Variants in RAB37 observed in about 807,000 individuals in gnomAD.
RAB37 encodes ras-related protein Rab-37.
Under a neutral mutation model 33.1 loss-of-function variants are expected in RAB37, and 29 were observed. The ratio of observed to expected loss-of-function variants is 0.88; its 90% confidence interval spans 0.65 to 1.20. The LOEUF is 1.20. Among genes scored for constraint, RAB37 ranks in the 50% most tolerant of loss-of-function variants. RAB37 has a pLI of 0.00. For missense variants in RAB37, 299 were observed against 301.1 expected, an observed-to-expected ratio of 0.99 and a Z score of 0.05; for synonymous variants, 128 against 119.5, an observed-to-expected ratio of 1.07 and a Z score of -0.47.
intron 1 of RAB37, chr17:74,712,840 G>A (rs2034070309): frequency 1.9e-6 from 3 of 1,613,924 alleles, no homozygotes; most frequent in African/African-American, 1.3e-5. Flanking sequence ...GCCAGAAGAG[G>A]AGCAGGTAGA....
intron 1 of RAB37, among the ~76,000 whole-genome samples, chr17:74,724,876 A>G (rs1318705612): frequency 6.6e-6 from 1 of 152,182 alleles, no homozygotes; most frequent in Non-Finnish European, 1.5e-5. Context: ...ATCTGGATGT[A>G]TACGTGCAGG....
At chr17:74,692,343 C>A (rs145364658) in intron 1 of RAB37, among the ~76,000 whole-genome samples, 1 of 152,124 alleles carries the variant, frequency 6.6e-6, no homozygotes, top group Non-Finnish European at 1.5e-5. Context: ...AATAGTCAAG[C>A]TTGCTTGGGC....
chr17:74,729,833 A>G lies in RAB37; in HGVS notation c.183+467A>G, dbSNP rs987693861. ...AAAGCAAAAAATATTTTAATATGGG[A>G]TAGCTCAGGTCAGCCCTCCAAGGCA... On this transcript the variant is annotated intron_variant, in intron 2 of 7. Coordinates refer to the RAB37 transcript ENST00000340415. This position sits in a 1 kb window ranked among gnomAD's most constrained non-coding sequence, Gnocchi z 4.2. Among the ~76,000 whole-genome samples the G allele has an allele frequency of 3.9e-5, 6 of 152,152 alleles. No homozygotes were observed. The highest frequency in any genetic ancestry group is 5.9e-5 in the Non-Finnish European group (4 of 68,016).
chr17:74,743,457 T>C lies in RAB37; in HGVS notation c.366+117T>C, dbSNP rs2034672715. ...TGGAGCGTGGAGTCCTCCTGCCTTC[T>C]GAAAAACACCTACTTGTGACTCAGA... On this transcript the variant is annotated intron_variant, in intron 5 of 8. Transcript: ENST00000392613. 11 of 990,152 alleles carry C rather than the reference T, an allele frequency of 1.1e-5. No homozygotes were observed. The Admixed American group carries it at 1.5e-4, about 13-fold the overall frequency. 61.3% of individuals were successfully genotyped at this position (990,152 alleles called of 1,614,324 possible).
chr17:74,724,339 A>G (rs1196476876), intron 1 of RAB37, among the ~76,000 whole-genome samples: 2 of 152,240 alleles, frequency 1.3e-5, no homozygotes, highest in Non-Finnish European at 2.9e-5. Flanking sequence ...TTGAGTTTCC[A>G]ATGAGCCTTT....
chr17:74,711,515 G>A (rs1420854648), intron 1 of RAB37, among the ~76,000 whole-genome samples: 1 of 152,182 alleles, frequency 6.6e-6, no homozygotes, highest in Non-Finnish European at 1.5e-5. Flanking sequence ...TAGCAGTCCT[G>A]GACAAGTCAC....
intron 1 of RAB37, chr17:74,704,441 C>A: frequency 2.1e-6 from 3 of 1,428,340 alleles, no homozygotes; most frequent in Non-Finnish European, 2.9e-6. Context: ...ACAGAGCAGG[C>A]CCTGAGAGAC....
At chr17:74,719,380 G>A (rs2034209032) in intron 1 of RAB37, among the ~76,000 whole-genome samples, 1 of 152,114 alleles carries the variant, frequency 6.6e-6, no homozygotes. Flanking sequence ...AGCCCAGAGA[G>A]GTCGAGGCTG....
chr17:74,701,983 T>A (rs961868115), intron 1 of RAB37, among the ~76,000 whole-genome samples: 20 of 151,046 alleles, frequency 1.3e-4, no homozygotes, highest in African/African-American at 4.4e-4. Context: ...GATGGCACCA[T>A]GCACTCAAGT....
At chr17:74,743,490 T>C in intron 5 of RAB37, 150 bp downstream of exon 5, 1 of 809,420 alleles carries the variant, frequency 1.2e-6, no homozygotes, top group Non-Finnish European at 2.0e-6. Context: ...AGAAGTCATA[T>C]CTGCTGCTTT....
At chr17:74,733,464 AGG>A (rs2034418684), upstream of RAB37, among the ~76,000 whole-genome samples, 3 of 2,526 alleles carry the variant, frequency 1.2e-3, no homozygotes, top group Non-Finnish European at 1.7e-3. Context: ...GTGTGATTTG[AGG>A]GATGTGTGTG....
intron 1 of RAB37, among the ~76,000 whole-genome samples, chr17:74,701,332 A>C (rs990032698): frequency 2.0e-4 from 30 of 152,168 alleles, no homozygotes; most frequent in African/African-American, 6.8e-4. Context: ...TACCCTTTTT[A>C]ATTCCCTTAA....
intron 1 of RAB37, among the ~76,000 whole-genome samples, chr17:74,740,509 G>A (rs1200119944): frequency 2.0e-5 from 3 of 152,188 alleles, no homozygotes; most frequent in African/African-American, 7.2e-5. Context: ...CCTGTTCATG[G>A]TGAGGTCTCA....
chr17:74,734,710 A>G (rs1302299810), upstream of RAB37, among the ~76,000 whole-genome samples: 1 of 151,898 alleles, frequency 6.6e-6, no homozygotes, highest in East Asian at 1.9e-4. Flanking sequence ...AGGCATGATG[A>G]TGGGCACCTG....
At position 74,729,417 on chromosome 17, in the gene RAB37, C is replaced by A. The variant is rs755024879; in HGVS notation, c.183+51C>A. The A allele has an allele frequency of 1.5e-6, 2 of 1,315,862 alleles. No individual in the cohort carries two copies. Among genetic ancestry groups the A allele is most frequent in the East Asian group, 2.3e-5 (1 of 43,508 alleles). 81.5% of individuals were successfully genotyped at this position (1,315,862 alleles called of 1,614,324 possible). ...TCTGGGCCTGGGCTCAGGACCCCAGCGTGTTTCTGTTGAGTGCCAGCAGGA... is the reference window on the plus strand; with the variant it reads ...TCTGGGCCTGGGCTCAGGACCCCAGAGTGTTTCTGTTGAGTGCCAGCAGGA... On this transcript the variant is annotated intron_variant, in intron 2 of 7. Transcript: ENST00000340415. The surrounding 1 kb of genome is among the most constrained non-coding windows in gnomAD (Gnocchi z 4.2).
intron 1 of RAB37, among the ~76,000 whole-genome samples, chr17:74,673,993 T>C (rs570820231): frequency 7.4e-4 from 113 of 152,344 alleles, no homozygotes; most frequent in African/African-American, 2.7e-3. Context: ...AAAATTACTA[T>C]GTAGTAGAGT....
At position 74,729,398 on chromosome 17, in the gene RAB37, C is replaced by A; in HGVS notation, c.183+32C>A. On this transcript the variant is annotated intron_variant, in intron 2 of 7. Coordinates refer to the RAB37 transcript ENST00000340415. The surrounding 1 kb of genome is among the most constrained non-coding windows in gnomAD (Gnocchi z 4.2). ...ACTGGCCGGCACTGCCAGCTCTGGG[C>A]CTGGGCTCAGGACCCCAGCGTGTTT... 1 of 1,518,282 alleles carries A rather than the reference C, an allele frequency of 6.6e-7. No individual in the cohort carries two copies. Among genetic ancestry groups the A allele is most frequent in the Non-Finnish European group, 9.2e-7 (1 of 1,092,536 alleles). The allele number at this position is 1,518,282 out of a possible 1,614,324, so 94.1% of individuals were successfully genotyped here.
intron 1 of RAB37, among the ~76,000 whole-genome samples, chr17:74,717,619 C>G (rs1407015378): frequency 6.6e-6 from 1 of 151,320 alleles, no homozygotes; most frequent in Admixed American, 6.6e-5. Flanking sequence ...TCAAGACCAG[C>G]CTAACCAACA....
Position 74,746,045 on chromosome 17 carries a change from G to C in RAB37, c.*634G>C, listed in dbSNP as rs1178479225. The C allele has an allele frequency of 6.6e-6, 1 of 152,308 alleles. No individual in the cohort carries two copies. Among genetic ancestry groups the C allele is most frequent in the African/African-American group, 2.4e-5 (1 of 41,408 alleles). 9.4% of individuals were successfully genotyped at this position (152,308 alleles called of 1,614,324 possible). On this transcript the variant is annotated 3_prime_UTR_variant, in exon 9 of 9. Coordinates refer to ENST00000392613, the MANE Select transcript of RAB37 (RefSeq NM_001006638.3). This position sits in a 1 kb window ranked among gnomAD's most constrained non-coding sequence, Gnocchi z 5.2. ...TCTCTGGCCTTACTAACACCCCCCT[G>C]GAGGCATGCCCCTTTTCTCCAGCAC... is the stretch of plus-strand genomic sequence containing the variant.
Sources: allele counts gnomAD v4.1 joint callset (sites outside exome capture counted in the v4.1 genomes callset), GRCh38; gene constraint gnomAD v4.1.1; non-coding constraint Gnocchi (gnomAD v3.1); transcripts MANE v1.5; gene names NCBI Gene and HGNC (gene_info 2026-07-23, HGNC 2026-07-21).